The following PTPRD variants were observed in gnomAD, a reference collection of about 807,000 sequenced individuals.
The protein encoded by PTPRD is receptor-type tyrosine-protein phosphatase delta.
Under a neutral mutation model 214.5 loss-of-function variants are expected in PTPRD, and 34 were observed. The observed-to-expected ratio is 0.16, with a 90% CI of 0.12 to 0.21. PTPRD has a LOEUF of 0.21. Ranked by LOEUF, PTPRD falls within the 10% of genes least tolerant of loss-of-function variation. PTPRD has a pLI of 1.00. For missense variants in PTPRD, 2,545 were observed against 2,398.7 expected (o/e 1.06, Z -1.27); for synonymous variants, 1,128 against 845.7 (o/e 1.33, Z -5.79).
At chr9:9,289,347 A>G (rs545704484) in intron 9 of PTPRD, among the ~76,000 whole-genome samples, 9 of 152,012 alleles carry the variant, frequency 5.9e-5, no homozygotes, top group African/African-American at 2.2e-4. Flanking sequence ...GAACAGCTAC[A>G]TTGAGATATG....
intron 9 of PTPRD, among the ~76,000 whole-genome samples, chr9:9,208,089 A>G (rs986232559): frequency 8.0e-6 from 1 of 125,496 alleles, no homozygotes; most frequent in African/African-American, 3.0e-5. Context: ...GTGCGATCTC[A>G]CTGCAAGCTC....
chr9:9,993,036 G>T lies in PTPRD; in HGVS notation c.-472+40682C>A, dbSNP rs536198383. 4.6e-5 allele frequency among the ~76,000 whole-genome samples: 7 copies of T among 152,176 alleles called. No homozygotes were observed. In the East Asian group the frequency reaches 1.4e-3, roughly 29 times the overall value. ...CCAATGTGAACTTTCATAAATAGTTGTTGGTTAAATACATACTTTAGAAAA... is the reference window on the plus strand; with the variant it reads ...CCAATGTGAACTTTCATAAATAGTTTTTGGTTAAATACATACTTTAGAAAA... On this transcript the variant is annotated intron_variant, in intron 4 of 45. Coordinates refer to ENST00000381196, the MANE Select transcript of PTPRD (RefSeq NM_002839.4).
At chr9:9,380,019 T>A (rs1386918780) in intron 9 of PTPRD, among the ~76,000 whole-genome samples, 1 of 152,040 alleles carries the variant, frequency 6.6e-6, no homozygotes, top group African/African-American at 2.4e-5. Flanking sequence ...TTTAATTTCG[T>A]CTTGTTACAT....
chr9:9,457,401 G>A (rs1009859075), intron 8 of PTPRD, among the ~76,000 whole-genome samples: 29 of 151,916 alleles, frequency 1.9e-4, no homozygotes, highest in Non-Finnish European at 3.7e-4. Context: ...CTAAGTATAA[G>A]AATTAATTGA....
At chr9:9,547,454 A>T (rs1278380176) in intron 8 of PTPRD, among the ~76,000 whole-genome samples, 2 of 152,098 alleles carry the variant, frequency 1.3e-5, no homozygotes, top group African/African-American at 4.8e-5. Flanking sequence ...TTAGGAATCA[A>T]GCTGCCTAGC....
In PTPRD at chr9:8,759,809, G is replaced by A. The variant is rs146480684; in HGVS notation, c.-103-25863C>T. On this transcript the variant is annotated intron_variant, in intron 11 of 45. Coordinates refer to ENST00000381196, the MANE Select transcript of PTPRD (RefSeq NM_002839.4). ...ATAATAAATCCTATTGAGAAAAGTGGTTCTTCTCTTCTTCCGAGGTCTCCA... is the reference window on the plus strand; with the variant it reads ...ATAATAAATCCTATTGAGAAAAGTGATTCTTCTCTTCTTCCGAGGTCTCCA... Among the ~76,000 whole-genome samples the A allele has an allele frequency of 1.1e-3, 165 of 152,162 alleles. No homozygotes were observed. In the South Asian group the frequency reaches 0.012, roughly 11 times the overall value.
intron 11 of PTPRD, among the ~76,000 whole-genome samples, chr9:8,929,719 G>A (rs968860426): frequency 3.6e-5 from 3 of 84,186 alleles, no homozygotes; most frequent in Non-Finnish European, 5.5e-5. Context: ...ATATATATGT[G>A]TATATATATA....
At chr9:9,109,119 A>T (rs997637054) in intron 10 of PTPRD, among the ~76,000 whole-genome samples, 3 of 152,196 alleles carry the variant, frequency 2.0e-5, no homozygotes, top group Admixed American at 2.0e-4. Flanking sequence ...CCATGAGGGA[A>T]GAATTCCAAC....
intron 9 of PTPRD, among the ~76,000 whole-genome samples, chr9:9,193,330 T>C (rs2099936370): frequency 6.6e-6 from 1 of 152,152 alleles, no homozygotes; most frequent in African/African-American, 2.4e-5. Context: ...ATGATAATTA[T>C]GCTATTTGAA....
intron 4 of PTPRD, among the ~76,000 whole-genome samples, chr9:9,957,910 G>A (rs1028216489): frequency 5.9e-5 from 9 of 151,734 alleles, no homozygotes; most frequent in Non-Finnish European, 1.3e-4. Flanking sequence ...GAAGAGCCCA[G>A]AATCAGACCC....
chr9:10,577,690 C>T (rs1026899096), intron 2 of PTPRD, among the ~76,000 whole-genome samples: 1 of 152,114 alleles, frequency 6.6e-6, no homozygotes, highest in Non-Finnish European at 1.5e-5. Flanking sequence ...ATTTACCAGA[C>T]TAAATGGTTA....
chr9:10,062,955 G>A (rs2097801249), intron 3 of PTPRD, among the ~76,000 whole-genome samples: 1 of 151,914 alleles, frequency 6.6e-6, no homozygotes, highest in Non-Finnish European at 1.5e-5. Context: ...TTATTTTGTA[G>A]GTACCATGAG....
chr9:9,716,301 C>T (rs1369586445), intron 7 of PTPRD, among the ~76,000 whole-genome samples: 6 of 151,736 alleles, frequency 4.0e-5, no homozygotes, highest in African/African-American at 1.2e-4. Context: ...GTGAATAGTG[C>T]TGTAATAAAC....
chr9:8,440,840 A>T (rs2132843945), intron 34 of PTPRD, among the ~76,000 whole-genome samples: 1 of 152,336 alleles, frequency 6.6e-6, no homozygotes, highest in East Asian at 1.9e-4. Context: ...ATGGCATTTT[A>T]ACCTGAGAGG....
chr9:9,387,692 C>T (rs1465201589), intron 9 of PTPRD, among the ~76,000 whole-genome samples: 1 of 152,064 alleles, frequency 6.6e-6, no homozygotes, highest in Non-Finnish European at 1.5e-5. Context: ...CACATTGAAA[C>T]AGGAAGGGTT....
intron 5 of PTPRD, among the ~76,000 whole-genome samples, chr9:9,925,617 C>G (rs193195435): frequency 2.6e-5 from 4 of 151,230 alleles, no homozygotes; most frequent in Non-Finnish European, 5.9e-5. Flanking sequence ...ATTCAGATGA[C>G]AAAATTTTTT....
chr9:9,975,802 C>T (rs2095330564), intron 4 of PTPRD, among the ~76,000 whole-genome samples: 1 of 152,132 alleles, frequency 6.6e-6, no homozygotes, highest in Non-Finnish European at 1.5e-5. Context: ...ACCTTGATTG[C>T]ATTACTTGTT....
intron 8 of PTPRD, among the ~76,000 whole-genome samples, chr9:9,471,165 T>G (rs889060631): frequency 1.3e-5 from 2 of 152,178 alleles, no homozygotes; most frequent in Non-Finnish European, 2.9e-5. Context: ...TAATGTATCA[T>G]TTTCCCAGAC....
intron 11 of PTPRD, among the ~76,000 whole-genome samples, chr9:8,828,662 G>A (rs2097220976): frequency 6.6e-6 from 1 of 152,110 alleles, no homozygotes; most frequent in South Asian, 2.1e-4. Context: ...AGCAGTTGAA[G>A]AACTAGTTAT....
Sources: gnomAD v4.1 joint callset for allele counts (sites outside exome capture counted in the v4.1 genomes callset) on GRCh38, gnomAD v4.1.1 for gene constraint, MANE v1.5 for transcripts, NCBI Gene and HGNC (gene_info 2026-07-23, HGNC 2026-07-21) for gene names.